Variants in ZPBP2 observed in about 807,000 individuals in gnomAD.
ZPBP2 encodes zona pellucida-binding protein 2.
A neutral mutation model predicts 37.5 loss-of-function variants in ZPBP2; 34 were observed. The ratio of observed to expected loss-of-function variants is 0.91; its 90% CI spans 0.69 to 1.21. The LOEUF is 1.21. Among genes scored for constraint, ZPBP2 ranks in the 50% most tolerant of loss-of-function variants. ZPBP2 has a pLI of 0.00. For synonymous variants in ZPBP2, 143 were observed against 138.4 expected (o/e 1.03, Z -0.23); for missense variants, 397 against 413.5 (o/e 0.96, Z 0.35).
rs759323245 is a variant in ZPBP2, at chr17:39,875,168, C to T, written c.709-86C>T. The stretch of plus-strand genomic sequence containing the variant: ...ATCTACGTTAAGTATGGCATGCTTA[C>T]AGTACATTATTGCCTGTGATACTGG... On this transcript the variant is annotated intron_variant, in intron 6 of 7. Coordinates refer to ENST00000348931, the MANE Select transcript of ZPBP2 (RefSeq NM_199321.3). The T allele has an allele frequency of 5.8e-6, 7 of 1,213,684 alleles. No homozygotes were observed. In the Admixed American group the frequency reaches 6.6e-5, roughly 11 times the overall value. The allele number at this position is 1,213,684 out of a possible 1,614,324, so 75.2% of individuals were successfully genotyped here. A position where few individuals can be genotyped will look rare whatever the true frequency, so the allele number is the denominator to read the frequency against.
At chr17:39,873,012 C>G (rs766010656) in intron 5 of ZPBP2, 32 bp from the exon 6 acceptor site, 1 of 1,600,082 alleles carries the variant, frequency 6.2e-7, no homozygotes, top group Non-Finnish European at 8.5e-7. Flanking sequence ...TTCAGAATCC[C>G]TTTGTGAGTC....
At position 39,875,373 on chromosome 17, in the gene ZPBP2, T is replaced by G. The variant is rs1218680353; in HGVS notation, c.828T>G (p.Asp276Glu). The part of the protein sequence containing the change: ...VDHSLQVVRL[D>E]SCRPGFGKNE... ...ACAGTTTGCAAGTAGTACGTCTGGATAGCTGTCGACCAGGCTTTGGAAAAA... is the reference window on the plus strand; with the variant it reads ...ACAGTTTGCAAGTAGTACGTCTGGAGAGCTGTCGACCAGGCTTTGGAAAAA... The change falls in exon 7 of 8, where the codon GAT becomes GAG. Residue 276 changes from aspartate (D) to glutamate (E), a missense_variant. Transcript: ENST00000348931. 1.9e-6 allele frequency: 3 copies of G among 1,613,980 alleles called. No homozygotes were observed. Among genetic ancestry groups the G allele is most frequent in the Non-Finnish European group, 1.7e-6 (2 of 1,180,002 alleles).
At chr17:39,874,877 A>C (rs969956832) in intron 6 of ZPBP2, among the ~76,000 whole-genome samples, 14 of 152,298 alleles carry the variant, frequency 9.2e-5, no homozygotes, top group African/African-American at 3.4e-4. Context: ...CAGCCTCCTG[A>C]GTAGCTGAGA....
At chr17:39,871,073 A>C (rs1288747905) in intron 3 of ZPBP2, among the ~76,000 whole-genome samples, 1 of 152,108 alleles carries the variant, frequency 6.6e-6, no homozygotes, top group Non-Finnish European at 1.5e-5. Context: ...AAAATTTATC[A>C]TTGTAGTACC....
chr17:39,876,128 G>C (rs11869164), intron 7 of ZPBP2, among the ~76,000 whole-genome samples: 1 of 151,858 alleles, frequency 6.6e-6, no homozygotes, highest in Non-Finnish European at 1.5e-5. Context: ...CTGTTGCCCA[G>C]ACTGGTCTTG....
rs1002400919 is a variant in ZPBP2, at chr17:39,872,508, T to G, written c.625+20T>G. The G allele has an allele frequency of 6.7e-7, 1 of 1,499,714 alleles. No individual in the cohort carries two copies. The highest frequency in any genetic ancestry group is 1.4e-5 in the African/African-American group (1 of 70,830). The allele number at this position is 1,499,714 out of a possible 1,614,324, so 92.9% of individuals were successfully genotyped here. A position where few individuals can be genotyped will look rare whatever the true frequency, so the allele number is the denominator to read the frequency against. On this transcript the variant is annotated intron_variant, in intron 5 of 7. Coordinates refer to ENST00000348931, the MANE Select transcript of ZPBP2 (RefSeq NM_199321.3). The stretch of plus-strand genomic sequence containing the variant: ...TTCAAGGTAAAATTTTTAAAATTTC[T>G]TTAATTTTGAATTTAGTCCTGAACC...
intron 6 of ZPBP2, among the ~76,000 whole-genome samples, chr17:39,873,662 C>G (rs2063375613): frequency 1.3e-5 from 2 of 152,252 alleles, no homozygotes; most frequent in East Asian, 3.9e-4. Flanking sequence ...GATCCCTGGT[C>G]TTTGTTCCCC....
intron 5 of ZPBP2, 61 bp from the exon 6 acceptor site, chr17:39,872,983 A>G (rs2063372122): frequency 2.0e-6 from 3 of 1,491,424 alleles, no homozygotes; most frequent in Non-Finnish European, 2.8e-6. Flanking sequence ...TTGGACCTTT[A>G]TTGAAATGTT....
intron 7 of ZPBP2, 33 bp from the exon 8 acceptor site, chr17:39,876,649 A>T: frequency 6.2e-7 from 1 of 1,609,590 alleles, no homozygotes; most frequent in East Asian, 2.2e-5. Flanking sequence ...AATATCTCTA[A>T]ATTATAATTA....
At chr17:39,869,613 C>G (rs751865179) in intron 2 of ZPBP2, among the ~76,000 whole-genome samples, 4 of 151,188 alleles carry the variant, frequency 2.6e-5, no homozygotes, top group Non-Finnish European at 5.9e-5. Flanking sequence ...CCATGTTGGC[C>G]AGGCTGGTCT....
At position 39,876,696 on chromosome 17, in the gene ZPBP2, G is replaced by C. The variant is rs1237926868; in HGVS notation, c.904G>C (p.Ala302Pro). ...TTCCTCTGCAGTGGTTTGTAGTCCT[G>C]CGACTTTTAGTCCTGATGTTAATGT... is the stretch of plus-strand genomic sequence containing the variant. ...CASCCVVCSP[A>P]TFSPDVNVTC... The change falls in exon 8 of 8, where the codon GCG becomes CCG. Residue 302 changes from alanine to proline, a missense_variant. Ala to Pro is a conservative substitution (Grantham distance 27). Coordinates refer to ENST00000348931, the MANE Select transcript of ZPBP2 (RefSeq NM_199321.3). 3.7e-6 allele frequency: 6 copies of C among 1,613,830 alleles called. No individual in the cohort carries two copies. Among genetic ancestry groups the C allele is most frequent in the Non-Finnish European group, 5.1e-6 (6 of 1,179,866 alleles).
rs1811866464 is a variant in ZPBP2, at chr17:39,876,962, T to C, written c.*153T>C. The C allele has an allele frequency of 1.1e-6, 1 of 904,428 alleles. No individual in the cohort carries two copies. The highest frequency in any genetic ancestry group is 1.7e-5 in the African/African-American group (1 of 58,888). The allele number at this position is 904,428 out of a possible 1,614,324, so 56.0% of individuals were successfully genotyped here. A position where few individuals can be genotyped will look rare whatever the true frequency, so the allele number is the denominator to read the frequency against. ...GAAACTTTAAAATAAATGGTTAACA[T>C]GGCATTTCTAAGAAGGCATTTAATC... On this transcript the variant is annotated 3_prime_UTR_variant, in exon 8 of 8. Transcript: ENST00000348931.
intron 6 of ZPBP2, among the ~76,000 whole-genome samples, chr17:39,874,487 C>G (rs1392918724): frequency 2.0e-5 from 3 of 152,058 alleles, no homozygotes; most frequent in Admixed American, 1.3e-4. Context: ...GTCACCCAGG[C>G]TGCTGTGCAA....
At chr17:39,869,561 CGCCTGGCTAATTTCTGTATTTTTAGTA>C (rs146215654) in intron 2 of ZPBP2, among the ~76,000 whole-genome samples, 4,018 of 148,824 alleles carry the variant, frequency 0.027, 191 homozygotes, top group African/African-American at 0.095. Flanking sequence ...TGCGCCACCA[CGCCTGGCTAATTTCTGTATTTTTAGTA>C]GAGACAGGGT....
intron 2 of ZPBP2, among the ~76,000 whole-genome samples, chr17:39,869,268 G>A (rs1333600763): frequency 6.6e-6 from 1 of 152,112 alleles, no homozygotes. Context: ...GAAACAAGAA[G>A]TAATCACACA....
chr17:39,875,295 T>C lies in ZPBP2; in HGVS notation c.750T>C (p.Tyr250=), dbSNP rs116553801. Reference sequence around the variant, plus strand: ...AAGACTTTTTTCGGAGCCAAGCATATATTTTCTACCATAACTTTAATAAAA... The same window carrying C: ...AAGACTTTTTTCGGAGCCAAGCATACATTTTCTACCATAACTTTAATAAAA... The part of the protein sequence containing the change: ...RIEDFFRSQA[Y]IFYHNFNKTL... Residue 250 remains tyrosine, a synonymous_variant, in exon 7 of 8, where the codon TAT becomes TAC. Transcript: ENST00000348931. 7.4e-6 allele frequency: 12 copies of C among 1,613,408 alleles called. No homozygotes were observed. The East Asian group carries it at 2.5e-4, about 33-fold the overall frequency.
At chr17:39,870,852 G>T in intron 3 of ZPBP2, 33 bp downstream of exon 3, 2 of 1,434,744 alleles carry the variant, frequency 1.4e-6, no homozygotes, top group Non-Finnish European at 1.9e-6. Context: ...CTTTTTTAAT[G>T]ATGTGAACAT....
intron 2 of ZPBP2, among the ~76,000 whole-genome samples, chr17:39,870,282 G>C (rs1451533880): frequency 6.6e-6 from 1 of 151,624 alleles, no homozygotes; most frequent in Non-Finnish European, 1.5e-5. Flanking sequence ...GGACTCAAGC[G>C]ATCCGCTCCC....
At chr17:39,872,927 G>A (rs1394979575) in intron 5 of ZPBP2, 117 bp from the exon 6 acceptor site, 4 of 804,462 alleles carry the variant, frequency 5.0e-6, no homozygotes, top group South Asian at 1.7e-5. Context: ...ACTAGGATTA[G>A]ATAGCTGGAC....
Sources: allele counts gnomAD v4.1 joint callset (sites outside exome capture counted in the v4.1 genomes callset), GRCh38; gene constraint gnomAD v4.1.1; transcripts MANE v1.5; gene names NCBI Gene and HGNC (gene_info 2026-07-23, HGNC 2026-07-21).